BCL2L13: variants seen among roughly 807,000 people sequenced by gnomAD.
The protein encoded by BCL2L13 is BCL2 like 13, also known as bcl-2-like protein 13.
Under a neutral mutation model 25.8 loss-of-function variants are expected in BCL2L13, and 13 were observed. The ratio of observed to expected loss-of-function variants is 0.50; its 90% CI spans 0.33 to 0.80. BCL2L13 has a LOEUF of 0.80. Ranked by LOEUF, BCL2L13 falls within the 30% of genes least tolerant of loss-of-function variation. The pLI is 0.02. For synonymous variants in BCL2L13, 244 were observed against 230.3 expected (o/e 1.06, Z -0.54); for missense variants, 504 against 574.9 (o/e 0.88, Z 1.26).
chr22:17,681,088 A>G (rs1370279574), intron 2 of BCL2L13, among the ~76,000 whole-genome samples: 1 of 152,144 alleles, frequency 6.6e-6, no homozygotes, highest in East Asian at 1.9e-4. Context: ...GTGGTTGGTG[A>G]TCATTGGCCC....
chr22:17,678,398 T>C (rs1408002928), intron 2 of BCL2L13, among the ~76,000 whole-genome samples: 1 of 152,082 alleles, frequency 6.6e-6, no homozygotes, highest in Non-Finnish European at 1.5e-5. Context: ...GCCTTTCTGC[T>C]CTCTGTTAAC....
At chr22:17,631,941 C>T (rs961430418) in intron 1 of BCL2L13, among the ~76,000 whole-genome samples, 4 of 151,094 alleles carry the variant, frequency 2.6e-5, no homozygotes, top group South Asian at 2.1e-4. Context: ...AGGCTGATCT[C>T]GAACTCCTGA....
chr22:17,664,549 A>G (rs1167560890), intron 2 of BCL2L13, among the ~76,000 whole-genome samples: 1 of 152,176 alleles, frequency 6.6e-6, no homozygotes, highest in East Asian at 1.9e-4. Flanking sequence ...TCCACTAGGC[A>G]GTGCCTCAGT....
At chr22:17,704,777 A>G (rs748972346) in intron 6 of BCL2L13, among the ~76,000 whole-genome samples, 9 of 152,166 alleles carry the variant, frequency 5.9e-5, no homozygotes, top group Non-Finnish European at 1.3e-4. Context: ...AAATCTACCA[A>G]AGTTAATGTT....
At chr22:17,662,216 C>G (rs948148281) in intron 2 of BCL2L13, among the ~76,000 whole-genome samples, 15 of 152,136 alleles carry the variant, frequency 9.9e-5, no homozygotes, top group South Asian at 4.1e-4. Context: ...TGGTGGCTCA[C>G]GCCTGTAATC....
At chr22:17,634,246 A>C (rs2058071474), upstream of BCL2L13, among the ~76,000 whole-genome samples, 1 of 151,610 alleles carries the variant, frequency 6.6e-6, no homozygotes, top group South Asian at 2.1e-4. Context: ...AGTGCAGTGG[A>C]GTGATCTCGG....
intron 6 of BCL2L13, among the ~76,000 whole-genome samples, chr22:17,720,112 C>G (rs2061071622): frequency 7.1e-6 from 1 of 141,326 alleles, no homozygotes; most frequent in Admixed American, 6.9e-5. Flanking sequence ...TATGAATATA[C>G]TAAAAACCAC....
chr22:17,658,907 A>T (rs1269144341), intron 2 of BCL2L13, among the ~76,000 whole-genome samples: 1 of 149,388 alleles, frequency 6.7e-6, no homozygotes, highest in Non-Finnish European at 1.5e-5. Context: ...AAATACAAAA[A>T]AATTAGTTGG....
chr22:17,702,511 A>G (rs916177684), intron 6 of BCL2L13, 125 bp downstream of exon 6: 17 of 932,948 alleles, frequency 1.8e-5, no homozygotes, highest in Non-Finnish European at 2.5e-5. Context: ...TGGCACTATC[A>G]TGGCAGGCTT....
At chr22:17,665,173 A>G (rs1480590915) in intron 2 of BCL2L13, among the ~76,000 whole-genome samples, 2 of 152,144 alleles carry the variant, frequency 1.3e-5, no homozygotes, top group East Asian at 1.9e-4. Context: ...GATACCCTAA[A>G]TCATCTGTCT....
At chr22:17,632,743 ATTC>A (rs201450778) in intron 1 of BCL2L13, among the ~76,000 whole-genome samples, 3,375 of 146,070 alleles carry the variant, frequency 0.023, 51 homozygotes, top group Middle Eastern at 0.055. Flanking sequence ...AATCTTTATG[ATTC>A]TTCTTCTTTT....
At chr22:17,642,814 C>G (rs2058341173) in intron 1 of BCL2L13, among the ~76,000 whole-genome samples, 1 of 152,012 alleles carries the variant, frequency 6.6e-6, no homozygotes, top group Admixed American at 6.6e-5. Flanking sequence ...TGAGGCTGGT[C>G]TCAAATTCTT....
At position 17,660,886 on chromosome 22, in the gene BCL2L13, G is replaced by A. The variant is rs1356200424; in HGVS notation, c.121+5054G>A. On this transcript the variant is annotated intron_variant, in intron 2 of 6. Coordinates refer to ENST00000317582, the MANE Select transcript of BCL2L13 (RefSeq NM_015367.4). Reference sequence around the variant, plus strand: ...TGCAACCTCCACCTCCTGGGTTCAAGCAATTCTCCTGCCTCAGCCTCCCAA... The same window carrying A: ...TGCAACCTCCACCTCCTGGGTTCAAACAATTCTCCTGCCTCAGCCTCCCAA... Among the ~76,000 whole-genome samples, 8 of 145,420 alleles carry A rather than the reference G, an allele frequency of 5.5e-5. 2 individuals carry two copies. The highest frequency in any genetic ancestry group is 1.3e-4 in the Non-Finnish European group (8 of 63,982).
upstream of BCL2L13, among the ~76,000 whole-genome samples, chr22:17,635,811 G>A (rs1226958071): frequency 1.3e-5 from 2 of 151,916 alleles, no homozygotes; most frequent in African/African-American, 4.8e-5. Flanking sequence ...CCGGGTTCAA[G>A]TGATTCTTCT....
rs1051122620 is a variant in BCL2L13 at position 17,678,835 on chromosome 22, A to G, written c.122-4379A>G. On this transcript the variant is annotated intron_variant, in intron 2 of 6. Transcript: ENST00000317582. ...CAGGTAGTCAATGTTTCTTCAGTGG[A>G]TAAATGAATAGTAGGTAGACCTGCA... Among the ~76,000 whole-genome samples the G allele has an allele frequency of 2.6e-5, 4 of 152,188 alleles. No individual in the cohort carries two copies. The South Asian group carries it at 8.3e-4, about 31-fold the overall frequency.
At chr22:17,674,914 G>A (rs914493494) in intron 2 of BCL2L13, among the ~76,000 whole-genome samples, 1 of 151,808 alleles carries the variant, frequency 6.6e-6, no homozygotes, top group African/African-American at 2.4e-5. Flanking sequence ...AATCCAAATA[G>A]TAAATAAAAA....
At chr22:17,683,373 T>C (rs1441023091) in intron 3 of BCL2L13, 52 bp downstream of exon 3, 9 of 1,086,846 alleles carry the variant, frequency 8.3e-6, no homozygotes, top group Non-Finnish European at 1.3e-6. Context: ...TTTGTTATGG[T>C]TTACTGTTGG....
chr22:17,727,418 G>A lies in BCL2L13; in HGVS notation c.1342G>A (p.Glu448Lys), dbSNP rs2061328546. 1 of 1,614,244 alleles carries A rather than the reference G, an allele frequency of 6.2e-7. No individual in the cohort carries two copies. Among genetic ancestry groups the A allele is most frequent in the African/African-American group, 1.3e-5 (1 of 75,070 alleles). The change falls in exon 7 of 7, where the codon GAG becomes AAG. Residue 448 changes from glutamate (E) to lysine (K), a missense_variant. Glu to Lys is a moderately conservative substitution (Grantham distance 56, BLOSUM62 1). Transcript: ENST00000317582. ...CAAGTCTAGACTGTCCCCCGCCGGTGAGATGAAGCCCATGCCGCTGTCTGA... is the reference window on the plus strand; with the variant it reads ...CAAGTCTAGACTGTCCCCCGCCGGTAAGATGAAGCCCATGCCGCTGTCTGA... ...EGKSRLSPAG[E>K]MKPMPLSEGK...
rs532203164 is a variant in BCL2L13 at position 17,729,986 on chromosome 22, G to C, written c.*2452G>C. The stretch of plus-strand genomic sequence containing the variant: ...TATTTCTCAAGCTTCCCCTCCTTTT[G>C]GGGGGAGGAGCTGATAGTAGGAGGC... On this transcript the variant is annotated 3_prime_UTR_variant, in exon 7 of 7. Transcript: ENST00000317582. The C allele has an allele frequency of 6.7e-6, 1 of 149,084 alleles. No individual in the cohort carries two copies. Among genetic ancestry groups the C allele is most frequent in the Non-Finnish European group, 1.5e-5 (1 of 66,666 alleles). The allele number at this position is 149,084 out of a possible 1,614,324, so 9.2% of individuals were successfully genotyped here.
Sources: gnomAD v4.1 joint callset for allele counts (sites outside exome capture counted in the v4.1 genomes callset) on GRCh38, gnomAD v4.1.1 for gene constraint, MANE v1.5 for transcripts, NCBI Gene and HGNC (gene_info 2026-07-23, HGNC 2026-07-21) for gene names.